The following NOTCH2 variants were observed in gnomAD, a reference collection of about 807,000 sequenced individuals.
NOTCH2 encodes the protein neurogenic locus notch homolog protein 2.
A neutral mutation model predicts 235.8 loss-of-function variants in NOTCH2; 29 were observed. The ratio of observed to expected loss-of-function variants is 0.12; its 90% CI spans 0.09 to 0.17. The LOEUF (loss-of-function observed/expected upper bound fraction) is 0.17, where lower values mean the gene tolerates loss of function less well. NOTCH2 is among the 10% of genes least tolerant of loss of function. NOTCH2 has a pLI of 1.00. For synonymous variants in NOTCH2, 1,086 were observed against 1,141.5 expected, an observed-to-expected ratio of 0.95 and a Z score of 0.98; for missense variants, 2,285 against 3,150.2, an observed-to-expected ratio of 0.73 and a Z score of 6.57.
chr1:120,034,383 C>G (rs1477241271), intron 1 of NOTCH2, among the ~76,000 whole-genome samples: 1 of 112,312 alleles, frequency 8.9e-6, no homozygotes, highest in Admixed American at 8.8e-5. Flanking sequence ...AGATTTCAAT[C>G]TCATCACTCC....
intron 5 of NOTCH2, among the ~76,000 whole-genome samples, chr1:119,975,737 G>A (rs1438405647): frequency 1.3e-5 from 2 of 152,066 alleles, no homozygotes; most frequent in African/African-American, 4.8e-5. Flanking sequence ...TAGAAACCAT[G>A]GCCTGGGCCT....
intron 25 of NOTCH2, 142 bp downstream of exon 25, chr1:119,925,163 G>A (rs1570663569): frequency 1.0e-6 from 1 of 979,030 alleles, no homozygotes; most frequent in Non-Finnish European, 1.6e-6. Flanking sequence ...GCACAGGGCA[G>A]TGTGCGATGG....
chr1:119,989,287 C>T (rs1652139573), intron 4 of NOTCH2, among the ~76,000 whole-genome samples: 1 of 152,088 alleles, frequency 6.6e-6, no homozygotes, highest in Admixed American at 6.5e-5. Flanking sequence ...AACTAAATAT[C>T]CACATGTAAA....
chr1:120,014,027 G>A (rs587686890), intron 2 of NOTCH2, among the ~76,000 whole-genome samples: 5 of 146,754 alleles, frequency 3.4e-5, no homozygotes, highest in East Asian at 1.9e-4. Context: ...CCTTTCATCC[G>A]CAAAACTATA....
At position 119,916,212 on chromosome 1, in the gene NOTCH2, A is replaced by C; in HGVS notation, c.6510T>G (p.Ile2170Met). The C allele has an allele frequency of 6.2e-7, 1 of 1,614,210 alleles. No individual in the cohort carries two copies. Among genetic ancestry groups the C allele is most frequent in the Non-Finnish European group, 8.5e-7 (1 of 1,180,032 alleles). Reference sequence around the variant, plus strand: ...AGGCCTGTAAGATCCCAGGGGATGTAATCATTGGAGAGGATGTGGTGTCGG... The same window carrying C: ...AGGCCTGTAAGATCCCAGGGGATGTCATCATTGGAGAGGATGTGGTGTCGG... ...YVSDTTSSPM[I>M]TSPGILQASP... is the part of the protein sequence containing the mutation. Residue 2170 changes from isoleucine to methionine, a missense_variant, in exon 34 of 34, where the codon ATT (isoleucine) becomes ATG (methionine). Transcript: ENST00000256646.
chr1:119,953,540 C>T lies in NOTCH2; in HGVS notation c.2365+3G>A, dbSNP rs1650568223. On this transcript the variant is annotated splice_donor_region_variant and intron_variant, in intron 14 of 33. Coordinates refer to ENST00000256646, the MANE Select transcript of NOTCH2 (RefSeq NM_024408.4). ...ACGCAGAAAGATGTACTTTTGTTTT[C>T]ACCTTTAAAGCCCTTCTTGCAAGTA... 1.9e-6 allele frequency: 3 copies of T among 1,614,120 alleles called. No homozygotes were observed. Among genetic ancestry groups the T allele is most frequent in the South Asian group, 1.1e-5 (1 of 91,086 alleles).
chr1:119,925,660 C>G lies in NOTCH2; in HGVS notation c.4156G>C (p.Gly1386Arg), dbSNP rs74522665. ...SGCASSPCQHGGSCHPQRQPP... is the reference protein window; with the variant it reads ...SGCASSPCQHRGSCHPQRQPP... ...TGGCGCTGAGGGTGGCAGCTGCCCC[C>G]GTGCTGGCAGGGGCTACTGGCACAG... The change falls in exon 25 of 34, where the codon GGG becomes CGG. Residue 1386 changes from glycine to arginine, a missense_variant. By Grantham distance (125) the Gly-to-Arg change is moderately radical. This residue lies in a region of NOTCH2 where 1,173 missense variants were observed against 1,515.3 expected (regional missense o/e 0.77). Coordinates refer to ENST00000256646, the MANE Select transcript of NOTCH2 (RefSeq NM_024408.4). 1 of 1,612,618 alleles carries G rather than the reference C, an allele frequency of 6.2e-7. No homozygotes were observed. The highest frequency in any genetic ancestry group is 8.5e-7 in the Non-Finnish European group (1 of 1,178,844).
Position 119,914,773 on chromosome 1 carries a change from A to G in NOTCH2, c.*533T>C, listed in dbSNP as rs1442660281. ...TTCATGGGCCAGAATGATCAAAAGC[A>G]CAAAGGTCTTGCCCTATAACATGCT... On this transcript the variant is annotated 3_prime_UTR_variant, in exon 34 of 34. Transcript: ENST00000256646. The G allele has an allele frequency of 4.2e-5, 11 of 259,902 alleles. No homozygotes were observed. The East Asian group carries it at 5.9e-4, about 14-fold the overall frequency. The allele number at this position is 259,902 out of a possible 1,614,324, so 16.1% of individuals were successfully genotyped here.
In NOTCH2 at chr1:119,967,962, G is replaced by A. The variant is rs1651209230; in HGVS notation, c.1264+115C>T. On this transcript the variant is annotated intron_variant, in intron 7 of 33. Transcript: ENST00000256646. Reference sequence around the variant, plus strand: ...TGTAAACACTGGCCATGTAGCAAGAGTAATCTGAGGTTTGGGTGTATGTAA... The same window carrying A: ...TGTAAACACTGGCCATGTAGCAAGAATAATCTGAGGTTTGGGTGTATGTAA... 36 of 1,156,432 alleles carry A rather than the reference G, an allele frequency of 3.1e-5. 1 individual carries two copies. Among genetic ancestry groups the A allele is most frequent in the Middle Eastern group, 3.8e-4 (2 of 5,234 alleles). 71.6% of individuals were successfully genotyped at this position (1,156,432 alleles called of 1,614,324 possible).
intron 5 of NOTCH2, among the ~76,000 whole-genome samples, chr1:119,973,369 C>T (rs993865357): frequency 6.6e-6 from 1 of 152,146 alleles, no homozygotes; most frequent in South Asian, 2.1e-4. Flanking sequence ...TATAACAACT[C>T]CCTTCACGTC....
At chr1:119,979,226 G>C (rs1248810736) in intron 5 of NOTCH2, among the ~76,000 whole-genome samples, 1 of 152,012 alleles carries the variant, frequency 6.6e-6, no homozygotes, top group Non-Finnish European at 1.5e-5. Context: ...AACAAAAAAT[G>C]AACAGATTAA....
intron 5 of NOTCH2, among the ~76,000 whole-genome samples, chr1:119,975,842 G>A (rs587641289): frequency 6.6e-6 from 1 of 152,230 alleles, no homozygotes; most frequent in Admixed American, 6.5e-5. Context: ...GCTCATTATG[G>A]CTCTCTCAAG....
rs587660351 is a variant in NOTCH2 at position 119,920,555 on chromosome 1, C to A, written c.5311-158G>T. On this transcript the variant is annotated intron_variant, in intron 29 of 33. Transcript: ENST00000256646. ...GAGGATTACCTCAGCCTTGGCTTCC[C>A]ACTGCTCTCGTGATGTGGCTCCTGC... is the stretch of plus-strand genomic sequence containing the variant. Among the ~76,000 whole-genome samples the A allele has an allele frequency of 1.5e-4, 23 of 152,278 alleles. No homozygotes were observed. The East Asian group carries it at 3.5e-3, about 23-fold the overall frequency.
At position 119,921,586 on chromosome 1, in the gene NOTCH2, T is replaced by C. The variant is rs1031611690; in HGVS notation, c.5310+127A>G. 4.9e-6 allele frequency: 4 copies of C among 810,942 alleles called. No homozygotes were observed. In the East Asian group the frequency reaches 7.6e-5, roughly 15 times the overall value. 50.2% of individuals were successfully genotyped at this position (810,942 alleles called of 1,614,324 possible). A position where few individuals can be genotyped will look rare whatever the true frequency, so the allele number is the denominator to read the frequency against. ...GTTTAGGAGAACCTAGGATAGTTAT[T>C]GTCTGGGTAAGACATCAAGACTATC... On this transcript the variant is annotated intron_variant, in intron 29 of 33. Transcript: ENST00000256646.
At chr1:120,003,609 G>T (rs1252375422) in intron 3 of NOTCH2, among the ~76,000 whole-genome samples, 2 of 150,642 alleles carry the variant, frequency 1.3e-5, no homozygotes, top group Non-Finnish European at 3.0e-5. Context: ...AATGAAGAAT[G>T]TTCCTCCTTT....
rs773068736 is a variant in NOTCH2 at position 119,923,782 on chromosome 1, G to C, written c.4714C>G (p.Leu1572Val). The C allele has an allele frequency of 1.2e-6, 2 of 1,614,170 alleles. No homozygotes were observed. The highest frequency in any genetic ancestry group is 1.7e-6 in the Non-Finnish European group (2 of 1,180,028). Residue 1572 changes from leucine to valine, a missense_variant, in exon 26 of 34, where the codon CTG (leucine) becomes GTG (valine). Physicochemically the swap from Leu to Val is conservative, Grantham distance 32. Coordinates refer to ENST00000256646, the MANE Select transcript of NOTCH2 (RefSeq NM_024408.4). ...ARSFLRALGT[L>V]LHTNLRIKRD... ...TTAATGCGCAGGTTGGTGTGGAGCA[G>C]GGTACCCAGTGCCCGCAAGAAGCTG...
Position 119,925,470 on chromosome 1 carries a change from T to C in NOTCH2, c.4346A>G (p.Gln1449Arg), listed in dbSNP as rs777503030. The change falls in exon 25 of 34, where the codon CAG becomes CGG. Residue 1449 changes from glutamine (Q) to arginine (R), a missense_variant. Physicochemically the swap from Gln to Arg is conservative, Grantham distance 43. This residue lies in a region of NOTCH2 where 1,173 missense variants were observed against 1,515.3 expected (regional missense o/e 0.77). Coordinates refer to ENST00000256646, the MANE Select transcript of NOTCH2 (RefSeq NM_024408.4). The part of the protein sequence containing the change: ...CDEACNSHAC[Q>R]WDGGDCSLTM... ...GAGAGAACAGTCACCCCCATCCCACTGGCAGGCATGGCTGTTGCAGGCCTC... is the reference window on the plus strand; with the variant it reads ...GAGAGAACAGTCACCCCCATCCCACCGGCAGGCATGGCTGTTGCAGGCCTC... The C allele has an allele frequency of 2.0e-5, 32 of 1,614,058 alleles. 1 individual carries two copies. The South Asian group carries it at 3.2e-4, about 16-fold the overall frequency.
intron 26 of NOTCH2, 32 bp downstream of exon 26, chr1:119,923,605 T>C: frequency 6.4e-7 from 1 of 1,570,236 alleles, no homozygotes; most frequent in East Asian, 2.2e-5. Flanking sequence ...CTTCATAAAA[T>C]TAGCCTTGAA....
chr1:119,919,486 G>A lies in NOTCH2; in HGVS notation c.5607C>T (p.Leu1869=), dbSNP rs748595836. The change falls in exon 31 of 34, where the codon CTC becomes CTT. Residue 1869 remains leucine (L), a synonymous_variant. Transcript: ENST00000256646. The part of the protein sequence containing the change: ...ITDLVYQGAS[L]QAQTDRTGEM... ...CACCAGTCCGGTCTGTCTGGGCCTG[G>A]AGGCTGGCACCCTGGTAGACCAAGT... 2.5e-6 allele frequency: 4 copies of A among 1,613,852 alleles called. No individual in the cohort carries two copies. The highest frequency in any genetic ancestry group is 1.3e-5 in the African/African-American group (1 of 75,046).
Sources: gnomAD v4.1 joint callset for allele counts (sites outside exome capture counted in the v4.1 genomes callset) on GRCh38, gnomAD v4.1.1 for gene constraint, gnomAD v4.1.1 regional missense constraint, MANE v1.5 for transcripts, NCBI Gene and HGNC (gene_info 2026-07-23, HGNC 2026-07-21) for gene names.